RMST: variants seen among roughly 807,000 people sequenced by gnomAD.
RMST encodes long intergenic non-protein coding RNA 54.
chr12:97,509,009 G>A (rs1326243272), intron 10 of RMST, among the ~76,000 whole-genome samples: 1 of 152,152 alleles, frequency 6.6e-6, no homozygotes, highest in Admixed American at 6.5e-5. Context: ...CAGCATAAAT[G>A]GAGGAAACCT....
At chr12:97,497,214 A>G (rs1391075863) in intron 10 of RMST, among the ~76,000 whole-genome samples, 2 of 152,186 alleles carry the variant, frequency 1.3e-5, no homozygotes, top group Non-Finnish European at 2.9e-5. Context: ...AAGTTTTAGC[A>G]AGAAAAATAT....
intron 10 of RMST, among the ~76,000 whole-genome samples, chr12:97,510,976 C>T (rs1466532665): frequency 6.6e-6 from 1 of 151,784 alleles, no homozygotes; most frequent in Non-Finnish European, 1.5e-5. Flanking sequence ...TATTGTTTTT[C>T]ACTTCATCAA....
At chr12:97,491,746 C>T (rs568129516) in intron 5 of RMST, 1 of 290,312 alleles carries the variant, frequency 3.4e-6, no homozygotes, top group South Asian at 3.1e-5. Context: ...CTTATAGATT[C>T]TTTGAATTAC....
In RMST at chr12:97,499,892, CG is replaced by C. The variant is rs564246851; in HGVS notation, n.1340+3839del. Among the ~76,000 whole-genome samples, 33 of 152,222 alleles carry C rather than the reference CG, an allele frequency of 2.2e-4. No individual in the cohort carries two copies. In the South Asian group the frequency reaches 6.9e-3, roughly 32 times the overall value. ...CAGGCTGGTTTTGAGCTCCTGACCT[CG>C]GGCGATCTGCCTGCCTTGGCCTCCC... On this transcript the variant is annotated intron_variant and non_coding_transcript_variant, in intron 10 of 13. Transcript: ENST00000640149.
chr12:97,467,225 A>G (rs1873295794), intron 5 of RMST, among the ~76,000 whole-genome samples: 1 of 152,066 alleles, frequency 6.6e-6, no homozygotes, highest in Non-Finnish European at 1.5e-5. Context: ...TGATAAGATT[A>G]CCGCTAATGT....
intron 13 of RMST, among the ~76,000 whole-genome samples, chr12:97,562,173 T>G (rs973293807): frequency 4.6e-5 from 7 of 152,156 alleles, no homozygotes; most frequent in Non-Finnish European, 1.5e-5. Flanking sequence ...TGCCCTTCAG[T>G]ACTGATCCAA....
exon 12 of RMST, chr12:97,560,614 G>A (rs567300191): frequency 1.3e-5 from 2 of 152,300 alleles, no homozygotes; most frequent in South Asian, 4.1e-4. Context: ...TGGATAAGTC[G>A]ACGGAGGCAG....
At chr12:97,499,550 G>C (rs1262833323) in intron 10 of RMST, among the ~76,000 whole-genome samples, 1 of 151,892 alleles carries the variant, frequency 6.6e-6, no homozygotes, top group Non-Finnish European at 1.5e-5. Flanking sequence ...CCATAGTATT[G>C]TAAAAATCAA....
chr12:97,533,955 T>A (rs1881878455), intron 11 of RMST, among the ~76,000 whole-genome samples: 1 of 151,768 alleles, frequency 6.6e-6, no homozygotes, highest in Non-Finnish European at 1.5e-5. Flanking sequence ...GTGAAGAAAG[T>A]CAAAGATGAA....
At chr12:97,558,538 GT>G (rs1366267320) in intron 11 of RMST, among the ~76,000 whole-genome samples, 1 of 152,124 alleles carries the variant, frequency 6.6e-6, no homozygotes, top group Non-Finnish European at 1.5e-5. Context: ...AAAAGAATGT[GT>G]TACTGTATCA....
intron 5 of RMST, chr12:97,491,712 T>C (rs1876833693): frequency 3.6e-6 from 1 of 274,464 alleles, no homozygotes; most frequent in Non-Finnish European, 7.8e-6. Flanking sequence ...CATCATCTGC[T>C]GTAAGTGTAA....
At chr12:97,532,905 C>T (rs1006045767) in intron 11 of RMST, 1 of 151,610 alleles carries the variant, frequency 6.6e-6, no homozygotes, top group Admixed American at 6.6e-5. Flanking sequence ...GGGTGATTAA[C>T]CCTTCTGAAA....
At chr12:97,521,042 C>G (rs1345841609) in intron 10 of RMST, among the ~76,000 whole-genome samples, 1 of 152,032 alleles carries the variant, frequency 6.6e-6, no homozygotes, top group East Asian at 1.9e-4. Context: ...TGTATACATT[C>G]TTATGTGAGG....
chr12:97,557,848 CTACTACT>C (rs2136666215), intron 11 of RMST, among the ~76,000 whole-genome samples: 1 of 152,202 alleles, frequency 6.6e-6, no homozygotes, highest in Admixed American at 6.6e-5. Flanking sequence ...TACTGGACAA[CTACTACT>C]TACCGGATGT....
intron 10 of RMST, among the ~76,000 whole-genome samples, chr12:97,507,763 A>C (rs1354825602): frequency 3.9e-5 from 6 of 152,170 alleles, no homozygotes; most frequent in Non-Finnish European, 4.4e-5. Context: ...TGAGTGTTGA[A>C]TGGAGGAGGT....
chr12:97,551,617 A>T (rs1332168275), intron 11 of RMST, among the ~76,000 whole-genome samples: 1 of 152,172 alleles, frequency 6.6e-6, no homozygotes, highest in East Asian at 1.9e-4. Context: ...ATATTTTCTC[A>T]TAACTTTCTT....
chr12:97,522,481 A>G (rs1300059041), intron 10 of RMST, among the ~76,000 whole-genome samples: 2 of 152,120 alleles, frequency 1.3e-5, no homozygotes, highest in Non-Finnish European at 2.9e-5. Flanking sequence ...ATGCTCTCTG[A>G]TCATGCCTTT....
At chr12:97,518,317 T>A (rs2136541363) in intron 10 of RMST, among the ~76,000 whole-genome samples, 1 of 152,308 alleles carries the variant, frequency 6.6e-6, no homozygotes, top group African/African-American at 2.4e-5. Flanking sequence ...CAAAGATGAA[T>A]ATTATTACCA....
intron 11 of RMST, chr12:97,532,733 G>A (rs759213544): frequency 1.4e-5 from 2 of 143,176 alleles, no homozygotes; most frequent in Non-Finnish European, 3.0e-5. Context: ...AGGAATTAAC[G>A]TTTTTTGGTA....
Sources: gnomAD v4.1 joint callset for allele counts (sites outside exome capture counted in the v4.1 genomes callset) on GRCh38, gnomAD v4.1.1 for gene constraint, MANE v1.5 for transcripts, NCBI Gene and HGNC (gene_info 2026-07-23, HGNC 2026-07-21) for gene names.